The following SUSD1 variants were observed in gnomAD, a reference collection of about 807,000 sequenced individuals.
The protein encoded by SUSD1 is sushi domain-containing protein 1.
In SUSD1, 65 loss-of-function variants were observed where a neutral mutation model predicts 86.9. The ratio of observed to expected loss-of-function variants is 0.75; its 90% CI spans 0.61 to 0.92. The LOEUF is 0.92. Among genes scored for constraint, SUSD1 ranks in the 40% least tolerant of loss-of-function variants. SUSD1 has a pLI of 0.00. For synonymous variants in SUSD1, 346 were observed against 350.0 expected (o/e 0.99, Z 0.13); for missense variants, 850 against 929.7 (o/e 0.91, Z 1.11).
At chr9:112,150,097 A>C (rs1235943550) in intron 2 of SUSD1, among the ~76,000 whole-genome samples, 2 of 152,226 alleles carry the variant, frequency 1.3e-5, no homozygotes, top group Non-Finnish European at 2.9e-5. Flanking sequence ...AGGGGTCAGC[A>C]AACTTTTTCT....
rs201291628 is a variant in SUSD1, at chr9:112,086,568, G to A, written c.1475-6403C>T. On this transcript the variant is annotated intron_variant, in intron 10 of 16. Transcript: ENST00000374270. ...AAAGAAAGAAAGAAAGAAAGAGAGA[G>A]AGAGAGAGAGAGAGAGATCTGGTGT... Among the ~76,000 whole-genome samples, 831 of 126,086 alleles carry A rather than the reference G, an allele frequency of 6.6e-3. 4 individuals are homozygous for A. Among genetic ancestry groups the A allele is most frequent in the East Asian group, 0.01 (48 of 4,766 alleles). The allele number at this position is 126,086 out of a possible 152,430, so 82.7% of individuals were successfully genotyped here.
intron 2 of SUSD1, among the ~76,000 whole-genome samples, chr9:112,156,402 C>T (rs531970283): frequency 6.6e-6 from 1 of 151,362 alleles, no homozygotes; most frequent in South Asian, 2.1e-4. Flanking sequence ...GCGGAGGCTG[C>T]AGTGAGCCAA....
intron 8 of SUSD1, among the ~76,000 whole-genome samples, chr9:112,103,461 T>TA (rs2131621651): frequency 6.6e-6 from 1 of 152,334 alleles, no homozygotes; most frequent in South Asian, 2.1e-4. Flanking sequence ...GAAATGCATG[T>TA]ATGTAAGAAA....
chr9:112,163,344 T>C (rs1164895051), intron 1 of SUSD1, among the ~76,000 whole-genome samples: 1 of 152,074 alleles, frequency 6.6e-6, no homozygotes, highest in Non-Finnish European at 1.5e-5. Context: ...ATTTATTTAC[T>C]TTTTTAGAGA....
chr9:112,052,330 T>C, intron 15 of SUSD1, 69 bp downstream of exon 15: 1 of 1,612,634 alleles, frequency 6.2e-7, no homozygotes, highest in Non-Finnish European at 8.5e-7. Flanking sequence ...TAAACAGATC[T>C]CATCAATATG....
intron 12 of SUSD1, among the ~76,000 whole-genome samples, chr9:112,075,713 C>A (rs776907885): frequency 6.6e-6 from 1 of 152,182 alleles, no homozygotes; most frequent in Non-Finnish European, 1.5e-5. Flanking sequence ...CCACTGCACT[C>A]CAGCCTGGGT....
chr9:112,175,073 T>A lies in SUSD1; in HGVS notation c.103+60A>T. On this transcript the variant is annotated intron_variant, in intron 1 of 16. Coordinates refer to ENST00000374270, the MANE Select transcript of SUSD1 (RefSeq NM_022486.5). This position sits in a 1 kb window ranked among gnomAD's most constrained non-coding sequence, Gnocchi z 4.7. ...CGGGGAAGCGTCCGTGCGCCCAGAG[T>A]CCTCGAGGCCCAGCCGGGGGCCCCG... 2.0e-6 allele frequency: 2 copies of A among 993,668 alleles called. No individual in the cohort carries two copies. The highest frequency in any genetic ancestry group is 2.4e-6 in the Non-Finnish European group (2 of 836,634). 61.6% of individuals were successfully genotyped at this position (993,668 alleles called of 1,614,324 possible).
intron 3 of SUSD1, among the ~76,000 whole-genome samples, chr9:112,147,511 C>T (rs2131779431): frequency 6.6e-6 from 1 of 152,044 alleles, no homozygotes; most frequent in Admixed American, 6.5e-5. Context: ...TGGCTCACGC[C>T]TGTAATCCTA....
intron 14 of SUSD1, among the ~76,000 whole-genome samples, chr9:112,055,978 G>C (rs889887989): frequency 2.6e-5 from 4 of 152,142 alleles, no homozygotes; most frequent in African/African-American, 9.7e-5. Flanking sequence ...ATGGAAAGTA[G>C]GGCTGGGCGT....
At chr9:112,114,943 G>A (rs1451903740) in intron 6 of SUSD1, among the ~76,000 whole-genome samples, 1 of 152,148 alleles carries the variant, frequency 6.6e-6, no homozygotes, top group Non-Finnish European at 1.5e-5. Context: ...GGCATCATAC[G>A]CTGACTCTCC....
At chr9:112,171,952 T>C (rs541549620) in intron 1 of SUSD1, among the ~76,000 whole-genome samples, 15 of 152,166 alleles carry the variant, frequency 9.9e-5, no homozygotes, top group African/African-American at 3.6e-4. Context: ...TCCCAGCAAT[T>C]TGGGAGGCTG....
At chr9:112,060,473 C>G (rs1416925820) in intron 13 of SUSD1, among the ~76,000 whole-genome samples, 2 of 152,250 alleles carry the variant, frequency 1.3e-5, no homozygotes, top group South Asian at 4.1e-4. Flanking sequence ...CCATGTTGGC[C>G]AGGCTGGTCT....
At chr9:112,168,207 T>C (rs1833903535) in intron 1 of SUSD1, among the ~76,000 whole-genome samples, 1 of 152,162 alleles carries the variant, frequency 6.6e-6, no homozygotes, top group South Asian at 2.1e-4. Flanking sequence ...TAAAAGAAGG[T>C]ACTAACACTG....
intron 10 of SUSD1, among the ~76,000 whole-genome samples, chr9:112,092,879 A>C (rs2131593143): frequency 6.6e-6 from 1 of 152,340 alleles, no homozygotes; most frequent in East Asian, 1.9e-4. Flanking sequence ...ATAAATAATA[A>C]TCAAAGAAGT....
At chr9:112,064,046 T>TTTTTTTTTTTTTTTTTTTTTTTG in intron 12 of SUSD1, among the ~76,000 whole-genome samples, 1 of 78,654 alleles carries the variant, frequency 1.3e-5, no homozygotes, top group Non-Finnish European at 3.0e-5. Flanking sequence ...TTTCTTTTTT[T>TTTTTTTTTTTTTTTTTTTTTTTG]GGGGGGGGGG....
intron 5 of SUSD1, among the ~76,000 whole-genome samples, chr9:112,130,985 T>C (rs1483972374): frequency 1.3e-5 from 2 of 152,062 alleles, no homozygotes; most frequent in African/African-American, 2.4e-5. Context: ...ATCGCACTAC[T>C]GCACTCCAAC....
At chr9:112,158,561 T>C (rs1003022291) in intron 1 of SUSD1, among the ~76,000 whole-genome samples, 6 of 152,046 alleles carry the variant, frequency 3.9e-5, no homozygotes, top group African/African-American at 1.2e-4. Flanking sequence ...CCATCTAATT[T>C]TTGTATTTTC....
At chr9:112,085,342 T>C (rs574719386) in intron 10 of SUSD1, among the ~76,000 whole-genome samples, 1 of 152,358 alleles carries the variant, frequency 6.6e-6, no homozygotes, top group South Asian at 2.1e-4. Flanking sequence ...TAGTTAACAT[T>C]TGATAGACAT....
intron 10 of SUSD1, among the ~76,000 whole-genome samples, chr9:112,088,349 C>T (rs1246103014): frequency 3.3e-5 from 5 of 151,982 alleles, no homozygotes; most frequent in Admixed American, 2.0e-4. Context: ...TATATAAATG[C>T]TATATGTTTT....
Sources: allele counts gnomAD v4.1 joint callset (sites outside exome capture counted in the v4.1 genomes callset), GRCh38; gene constraint gnomAD v4.1.1; non-coding constraint Gnocchi (gnomAD v3.1); transcripts MANE v1.5; gene names NCBI Gene and HGNC (gene_info 2026-07-23, HGNC 2026-07-21).